KCNQ3: variants seen among roughly 807,000 people sequenced by gnomAD.
The protein encoded by KCNQ3 is potassium voltage-gated channel subfamily Q member 3.
In KCNQ3, 30 loss-of-function variants were observed where a neutral mutation model predicts 92.5. That is an observed-to-expected ratio of 0.32 (90% CI 0.24 to 0.44). The LOEUF is 0.44. Among genes scored for constraint, KCNQ3 ranks in the 20% least tolerant of loss-of-function variants. KCNQ3 has a pLI of 1.00. For missense variants in KCNQ3, 913 were observed against 1,140.3 expected (o/e 0.80, Z 2.87); for synonymous variants, 450 against 468.8 (o/e 0.96, Z 0.52).
At chr8:132,393,578 G>A (rs893113040) in intron 1 of KCNQ3, among the ~76,000 whole-genome samples, 4 of 152,102 alleles carry the variant, frequency 2.6e-5, no homozygotes, top group Non-Finnish European at 5.9e-5. Flanking sequence ...GTGCATAGTA[G>A]GTGTTTAATA....
chr8:132,211,128 G>A (rs1163243874), intron 1 of KCNQ3, among the ~76,000 whole-genome samples: 1 of 152,122 alleles, frequency 6.6e-6, no homozygotes, highest in Admixed American at 6.5e-5. Flanking sequence ...CATGTGGCCA[G>A]CTTTGATCAA....
intron 1 of KCNQ3, among the ~76,000 whole-genome samples, chr8:132,290,798 G>T (rs1563843279): frequency 6.6e-6 from 1 of 152,178 alleles, no homozygotes; most frequent in Admixed American, 6.5e-5. Context: ...AAGGCAAGTG[G>T]ATATTCAGGC....
intron 11 of KCNQ3, among the ~76,000 whole-genome samples, chr8:132,138,855 T>G (rs1825191491): frequency 6.6e-6 from 1 of 152,216 alleles, no homozygotes; most frequent in Non-Finnish European, 1.5e-5. Flanking sequence ...TTTGGTATAT[T>G]GATTATGGTA....
intron 1 of KCNQ3, among the ~76,000 whole-genome samples, chr8:132,255,361 C>G (rs1315562683): frequency 6.6e-6 from 1 of 152,196 alleles, no homozygotes; most frequent in Non-Finnish European, 1.5e-5. Context: ...TTGTTGAAAA[C>G]AAGCAGTGGC....
intron 1 of KCNQ3, among the ~76,000 whole-genome samples, chr8:132,404,242 G>C (rs574134599): frequency 4.3e-4 from 66 of 152,302 alleles, no homozygotes; most frequent in African/African-American, 1.6e-3. Context: ...GGGAAGGTGG[G>C]CTTCTGTCAT....
intron 1 of KCNQ3, among the ~76,000 whole-genome samples, chr8:132,250,533 G>T (rs1014362909): frequency 3.9e-5 from 6 of 152,088 alleles, no homozygotes; most frequent in Non-Finnish European, 8.8e-5. Context: ...TCTGGGTCAG[G>T]CTAAAACAAG....
intron 1 of KCNQ3, among the ~76,000 whole-genome samples, chr8:132,341,674 G>A (rs1818532100): frequency 6.6e-6 from 1 of 152,198 alleles, no homozygotes; most frequent in African/African-American, 2.4e-5. Flanking sequence ...TGGTTTCTCT[G>A]TCATAAACCT....
intron 1 of KCNQ3, among the ~76,000 whole-genome samples, chr8:132,272,886 A>C (rs530184306): frequency 6.6e-6 from 1 of 152,284 alleles, no homozygotes; most frequent in South Asian, 2.1e-4. Flanking sequence ...AAAACCAATC[A>C]TGCCTTCCCA....
intron 1 of KCNQ3, among the ~76,000 whole-genome samples, chr8:132,224,810 A>G (rs1425598134): frequency 3.9e-5 from 6 of 152,148 alleles, no homozygotes; most frequent in Non-Finnish European, 8.8e-5. Flanking sequence ...GCTCATTGGA[A>G]TCTGTTGTAC....
At chr8:132,130,231 G>A (rs1278302651) in intron 14 of KCNQ3, among the ~76,000 whole-genome samples, 3 of 151,756 alleles carry the variant, frequency 2.0e-5, no homozygotes, top group Admixed American at 6.6e-5. Flanking sequence ...ACAGGCACCC[G>A]CCACCATGCC....
chr8:132,201,427 T>G (rs1173662407), intron 1 of KCNQ3, among the ~76,000 whole-genome samples: 1 of 152,116 alleles, frequency 6.6e-6, no homozygotes, highest in Non-Finnish European at 1.5e-5. Flanking sequence ...CACAGCACAA[T>G]TCATCCTGAG....
chr8:132,278,009 A>G (rs1201262924), intron 1 of KCNQ3: 1 of 985,246 alleles, frequency 1.0e-6, no homozygotes, highest in Non-Finnish European at 1.2e-6. Flanking sequence ...CTTCTGTGAT[A>G]GGCAGGAATT....
intron 1 of KCNQ3, among the ~76,000 whole-genome samples, chr8:132,362,253 C>A (rs76499550): frequency 0.14 from 21,304 of 151,994 alleles, 1,608 homozygotes; most frequent in African/African-American, 0.19. Context: ...AAAATGTAAC[C>A]TTTCTACATC....
chr8:132,195,826 T>G (rs924267921), intron 1 of KCNQ3, among the ~76,000 whole-genome samples: 1 of 152,180 alleles, frequency 6.6e-6, no homozygotes, highest in African/African-American at 2.4e-5. Flanking sequence ...GAAAATGCTA[T>G]TCCTCGCAAA....
At chr8:132,395,699 G>T (rs1820173705) in intron 1 of KCNQ3, among the ~76,000 whole-genome samples, 1 of 152,218 alleles carries the variant, frequency 6.6e-6, no homozygotes, top group East Asian at 1.9e-4. Context: ...ACAATGATAT[G>T]CCTGGAGCTT....
intron 1 of KCNQ3, among the ~76,000 whole-genome samples, chr8:132,425,517 T>G (rs1375532725): frequency 6.6e-6 from 1 of 152,152 alleles, no homozygotes; most frequent in Non-Finnish European, 1.5e-5. Context: ...CGAACTGATA[T>G]CATCATTACT....
intron 1 of KCNQ3, among the ~76,000 whole-genome samples, chr8:132,240,237 A>C (rs1814947956): frequency 7.8e-6 from 1 of 127,572 alleles, no homozygotes; most frequent in African/African-American, 3.0e-5. Flanking sequence ...CCCAGGTTGG[A>C]GTGCAATGGC....
At chr8:132,216,959 T>C (rs1229150783) in intron 1 of KCNQ3, among the ~76,000 whole-genome samples, 1 of 152,184 alleles carries the variant, frequency 6.6e-6, no homozygotes, top group Non-Finnish European at 1.5e-5. Flanking sequence ...GAACAAATTA[T>C]ATATATTTAC....
intron 1 of KCNQ3, among the ~76,000 whole-genome samples, chr8:132,457,773 C>T (rs985528912): frequency 6.6e-6 from 1 of 152,226 alleles, no homozygotes; most frequent in African/African-American, 2.4e-5. Flanking sequence ...AGCTGCTGAA[C>T]AACCATTCTG....
Sources: gnomAD v4.1 joint callset for allele counts (sites outside exome capture counted in the v4.1 genomes callset) on GRCh38, gnomAD v4.1.1 for gene constraint, MANE v1.5 for transcripts, NCBI Gene and HGNC (gene_info 2026-07-23, HGNC 2026-07-21) for gene names.